Variants in IGSF3 observed in about 807,000 individuals in gnomAD.
IGSF3 encodes glu-Trp-Ile EWI motif-containing protein 3.
A neutral mutation model predicts 114.4 loss-of-function variants in IGSF3; 23 were observed. That is an observed-to-expected ratio of 0.20 (90% CI 0.14 to 0.28). IGSF3 has a LOEUF of 0.28. Among genes scored for constraint, IGSF3 ranks in the 10% least tolerant of loss-of-function variants. IGSF3 has a pLI of 1.00. For synonymous variants in IGSF3, 571 were observed against 645.2 expected, an observed-to-expected ratio of 0.88 and a Z score of 1.74; for missense variants, 1,172 against 1,591.5, an observed-to-expected ratio of 0.74 and a Z score of 4.48.
chr1:116,632,750 C>T lies in IGSF3; in HGVS notation c.44-16293G>A, dbSNP rs923900558. Among the ~76,000 whole-genome samples the T allele has an allele frequency of 6.6e-6, 1 of 152,150 alleles. No individual in the cohort carries two copies. Among genetic ancestry groups the T allele is most frequent in the Non-Finnish European group, 1.5e-5 (1 of 68,034 alleles). On this transcript the variant is annotated intron_variant, in intron 2 of 10. Transcript: ENST00000369486. This position sits in a 1 kb window ranked among gnomAD's most constrained non-coding sequence, Gnocchi z 5.1. ...TACCTGTCCAGCCCACAGAGCCTGG[C>T]CTGGAGCATGAGGGAGAACCACAGC...
In IGSF3 at chr1:116,613,966, C is replaced by T. The variant is rs1389069254; in HGVS notation, c.631G>A (p.Ala211Thr). Residue 211 changes from alanine (A) to threonine (T), a missense_variant, in exon 4 of 11, where the codon GCC (alanine) becomes ACC (threonine). Physicochemically the swap from Ala to Thr is moderately conservative, Grantham distance 58 (BLOSUM62 0). Around this residue, in one of 3 missense-constraint regions of IGSF3, gnomAD observed 736 missense variants for 1,042.0 expected, o/e 0.71. Coordinates refer to ENST00000369486, the MANE Select transcript of IGSF3 (RefSeq NM_001007237.3). ...ACCTCCCCCAGGCTCTGCCTCTGGG[C>T]ATATTCGCTGCTGGAGTGAAGCATG... ...DFMLHSSSEY[A>T]QRQSLGEVRL... 5 of 1,613,858 alleles carry T rather than the reference C, an allele frequency of 3.1e-6. No individual in the cohort carries two copies. The highest frequency in any genetic ancestry group is 4.2e-6 in the Non-Finnish European group (5 of 1,179,870).
Position 116,666,592 on chromosome 1 carries a change from G to C in IGSF3, c.-266C>G. On this transcript the variant is annotated 5_prime_UTR_variant, in exon 2 of 11. Coordinates refer to ENST00000369486, the MANE Select transcript of IGSF3 (RefSeq NM_001007237.3). ...TCGCTCCCGGCTCCTGCCACATCGTGTGCCTTGCAGTTTCCACTGAAATTG... is the reference window on the plus strand; with the variant it reads ...TCGCTCCCGGCTCCTGCCACATCGTCTGCCTTGCAGTTTCCACTGAAATTG... The C allele has an allele frequency of 3.4e-6, 2 of 596,718 alleles. No individual in the cohort carries two copies. Among genetic ancestry groups the C allele is most frequent in the Middle Eastern group, 4.4e-4 (1 of 2,272 alleles). The allele number at this position is 596,718 out of a possible 1,614,324, so 37.0% of individuals were successfully genotyped here.
rs532688738 is a variant in IGSF3 at position 116,635,456 on chromosome 1, C to T, written c.44-18999G>A. ...TCTGCTCATTCATAATACTTCTTCA[C>T]CCACCCTAACCTCTCCCTCCTGTAG... On this transcript the variant is annotated intron_variant, in intron 2 of 10. Transcript: ENST00000369486. Among the ~76,000 whole-genome samples, 3 of 152,274 alleles carry T rather than the reference C, an allele frequency of 2.0e-5. No individual in the cohort carries two copies. In the East Asian group the frequency reaches 5.8e-4, roughly 29 times the overall value.
intron 2 of IGSF3, among the ~76,000 whole-genome samples, chr1:116,645,491 T>C (rs1219622943): frequency 6.6e-6 from 1 of 152,258 alleles, no homozygotes; most frequent in Admixed American, 6.5e-5. Flanking sequence ...GTGAGTTCCG[T>C]TGTATGTAAG....
rs1661299064 is a variant in IGSF3 at position 116,618,493 on chromosome 1, C to T, written c.44-2036G>A. The stretch of plus-strand genomic sequence containing the variant: ...ATATATAGAGATCTAATATATGGCA[C>T]TTAATGTTGGCATGGCAGATCAAGT... On this transcript the variant is annotated intron_variant, in intron 2 of 10. Coordinates refer to ENST00000369486, the MANE Select transcript of IGSF3 (RefSeq NM_001007237.3). This position sits in a 1 kb window ranked among gnomAD's most constrained non-coding sequence, Gnocchi z 4.7. Among the ~76,000 whole-genome samples the T allele has an allele frequency of 6.6e-6, 1 of 152,286 alleles. No individual in the cohort carries two copies. Among genetic ancestry groups the T allele is most frequent in the African/African-American group, 2.4e-5 (1 of 41,562 alleles).
rs1449600061 is a variant in IGSF3 at position 116,613,936 on chromosome 1, G to A, written c.661C>T (p.Leu221=). 5 of 1,613,832 alleles carry A rather than the reference G, an allele frequency of 3.1e-6. No individual in the cohort carries two copies. Among genetic ancestry groups the A allele is most frequent in the Non-Finnish European group, 4.2e-6 (5 of 1,179,860 alleles). The change falls in exon 4 of 11, where the codon CTG becomes TTG. Residue 221 remains leucine (L), a synonymous_variant. Transcript: ENST00000369486. The stretch of plus-strand genomic sequence containing the variant: ...AAGGTGGTCCTCCCCAGCTTGTCCA[G>A]CCGCACCTCCCCCAGGCTCTGCCTC... The part of the protein sequence containing the change: ...AQRQSLGEVR[L]DKLGRTTFRL...
At chr1:116,601,905 A>C (rs1660606624) in intron 6 of IGSF3, among the ~76,000 whole-genome samples, 1 of 152,162 alleles carries the variant, frequency 6.6e-6, no homozygotes. Flanking sequence ...GAGCTTCCCC[A>C]AGCAAATGAC....
intron 2 of IGSF3, among the ~76,000 whole-genome samples, chr1:116,646,164 A>G (rs1021749761): frequency 4.6e-5 from 7 of 152,208 alleles, no homozygotes; most frequent in African/African-American, 1.7e-4. Flanking sequence ...AGACAGAAAA[A>G]GTCTCCGTGA....
chr1:116,626,487 A>G (rs1291463489), intron 2 of IGSF3, among the ~76,000 whole-genome samples: 2 of 152,160 alleles, frequency 1.3e-5, no homozygotes, highest in Non-Finnish European at 2.9e-5. Flanking sequence ...ATGAATATTT[A>G]GGTTATTTAT....
Position 116,585,091 on chromosome 1 carries a change from A to T in IGSF3, c.2441-39T>A. On this transcript the variant is annotated intron_variant, in intron 8 of 10. Transcript: ENST00000369486. The surrounding 1 kb of genome is among the most constrained non-coding windows in gnomAD (Gnocchi z 4.9). ...GAAGAGACGTCAGCGACAAAAGGAC[A>T]ACAAGCAATTCGTACGCACCCTTTC... 6.7e-7 allele frequency: 1 copy of T among 1,485,606 alleles called. No homozygotes were observed. The highest frequency in any genetic ancestry group is 9.0e-7 in the Non-Finnish European group (1 of 1,113,010). 92.0% of individuals were successfully genotyped at this position (1,485,606 alleles called of 1,614,324 possible). A position where few individuals can be genotyped will look rare whatever the true frequency, so the allele number is the denominator to read the frequency against.
chr1:116,605,380 A>G lies in IGSF3; in HGVS notation c.1223-1355T>C, dbSNP rs1295045603. ...TCTTATTATAGTGAGGATGCCTGCTATCCATTCTGGATTTGCTTGTTTTAT... is the reference window on the plus strand; with the variant it reads ...TCTTATTATAGTGAGGATGCCTGCTGTCCATTCTGGATTTGCTTGTTTTAT... On this transcript the variant is annotated intron_variant, in intron 5 of 10. Coordinates refer to ENST00000369486, the MANE Select transcript of IGSF3 (RefSeq NM_001007237.3). The surrounding 1 kb of genome is among the most constrained non-coding windows in gnomAD (Gnocchi z 5.1). 2.0e-5 allele frequency among the ~76,000 whole-genome samples: 3 copies of G among 152,058 alleles called. No homozygotes were observed. Among genetic ancestry groups the G allele is most frequent in the Non-Finnish European group, 4.4e-5 (3 of 68,030 alleles).
chr1:116,645,550 C>T (rs568255794), intron 2 of IGSF3, among the ~76,000 whole-genome samples: 3 of 152,318 alleles, frequency 2.0e-5, no homozygotes, highest in African/African-American at 7.2e-5. Context: ...GGTTCCTTTT[C>T]CTTATCTAGA....
At position 116,642,395 on chromosome 1, in the gene IGSF3, A is replaced by G. The variant is rs1197871619; in HGVS notation, c.43+23889T>C. ...AACATTAGAATTCTGGATGCCTTCCAGCAGCTGGAACAGGGCAGACCTGAG... is the reference window on the plus strand; with the variant it reads ...AACATTAGAATTCTGGATGCCTTCCGGCAGCTGGAACAGGGCAGACCTGAG... On this transcript the variant is annotated intron_variant, in intron 2 of 10. Transcript: ENST00000369486. The surrounding 1 kb of genome is among the most constrained non-coding windows in gnomAD (Gnocchi z 5.4). Among the ~76,000 whole-genome samples, 4 of 152,188 alleles carry G rather than the reference A, an allele frequency of 2.6e-5. No homozygotes were observed. Among genetic ancestry groups the G allele is most frequent in the African/African-American group, 9.6e-5 (4 of 41,452 alleles).
chr1:116,622,004 T>A (rs1401976857), intron 2 of IGSF3, among the ~76,000 whole-genome samples: 12 of 152,214 alleles, frequency 7.9e-5, no homozygotes, highest in African/African-American at 2.7e-4. Flanking sequence ...GAAAGCCAGC[T>A]TCTCATGCAA....
chr1:116,613,447 A>C (rs1254789670), intron 4 of IGSF3, among the ~76,000 whole-genome samples: 1 of 152,182 alleles, frequency 6.6e-6, no homozygotes, highest in African/African-American at 2.4e-5. Flanking sequence ...TTAAGATACA[A>C]ATGGTTTCTC....
At chr1:116,637,499 T>C (rs1449122136) in intron 2 of IGSF3, among the ~76,000 whole-genome samples, 2 of 152,136 alleles carry the variant, frequency 1.3e-5, no homozygotes, top group Non-Finnish European at 2.9e-5. Flanking sequence ...TCCTTCAGAG[T>C]GTACTGCCTA....
intron 6 of IGSF3, among the ~76,000 whole-genome samples, chr1:116,601,776 C>A (rs970641909): frequency 3.2e-4 from 49 of 152,170 alleles, no homozygotes; most frequent in African/African-American, 1.2e-3. Context: ...AAACATGAAG[C>A]GCCTGTGACA....
Position 116,600,139 on chromosome 1 carries a change from A to G in IGSF3, c.1831T>C (p.Ser611Pro). The G allele has an allele frequency of 6.2e-7, 1 of 1,614,070 alleles. No individual in the cohort carries two copies. The highest frequency in any genetic ancestry group is 1.3e-5 in the African/African-American group (1 of 75,046). The change falls in exon 7 of 11, where the codon TCC becomes CCC. Residue 611 changes from serine (S) to proline (P), a missense_variant. Ser to Pro is a moderately conservative substitution (Grantham distance 74). Transcript: ENST00000369486. This position sits in a 1 kb window ranked among gnomAD's most constrained non-coding sequence, Gnocchi z 5.5. Reference sequence around the variant, plus strand: ...ATGGCAGTTCGGGTTCGGAAGCTGGAGGACCTGTCCCCCCACTGGACCCCT... The same window carrying G: ...ATGGCAGTTCGGGTTCGGAAGCTGGGGGACCTGTCCCCCCACTGGACCCCT... ...DGGVQWGDRS[S>P]SFRTRTAIEK...
In IGSF3 at chr1:116,607,169, C is replaced by G. The variant is rs912181644; in HGVS notation, c.1222+773G>C. 1.3e-5 allele frequency among the ~76,000 whole-genome samples: 2 copies of G among 152,166 alleles called. No individual in the cohort carries two copies. Among genetic ancestry groups the G allele is most frequent in the Non-Finnish European group, 2.9e-5 (2 of 68,026 alleles). ...TCAGAGCATTATAGGTTTTTATTCT[C>G]TTTACTAAAAACAGAACTATGGGAG... is the stretch of plus-strand genomic sequence containing the variant. On this transcript the variant is annotated intron_variant, in intron 5 of 10. Transcript: ENST00000369486. The surrounding 1 kb of genome is among the most constrained non-coding windows in gnomAD (Gnocchi z 6.1).
Sources: gnomAD v4.1 joint callset for allele counts (sites outside exome capture counted in the v4.1 genomes callset) on GRCh38, gnomAD v4.1.1 for gene constraint, gnomAD v4.1.1 regional missense constraint, Gnocchi (gnomAD v3.1) non-coding constraint, MANE v1.5 for transcripts, NCBI Gene and HGNC (gene_info 2026-07-23, HGNC 2026-07-21) for gene names.